Variants in PCNT observed in about 807,000 individuals in gnomAD.
PCNT encodes kendrin.
PCNT carries 319 observed loss-of-function variants against 380.4 expected under a neutral mutation model. The observed-to-expected ratio is 0.84, with a 90% CI of 0.77 to 0.92. PCNT has a LOEUF of 0.92. Ranked by LOEUF, PCNT falls within the 40% of genes least tolerant of loss-of-function variation. PCNT has a pLI of 0.00. For missense variants in PCNT, 4,400 were observed against 4,255.3 expected (o/e 1.03, Z -0.95); for synonymous variants, 1,845 against 1,735.2 (o/e 1.06, Z -1.57).
rs534451905 is a variant in PCNT at position 46,345,512 on chromosome 21, T to C, written c.640-616T>C. On this transcript the variant is annotated intron_variant, in intron 3 of 46. Transcript: ENST00000359568. The stretch of plus-strand genomic sequence containing the variant: ...GATTATAGGCGTGAGCCACCATGCC[T>C]GGCCTGTTTCTGGGACTTTGACTTT... 9.5e-4 allele frequency among the ~76,000 whole-genome samples: 145 copies of C among 152,330 alleles called. 1 individual carries two copies. Among genetic ancestry groups the C allele is most frequent in the South Asian group, 5.0e-3 (24 of 4,828 alleles).
At chr21:46,384,093 T>C (rs1457586728) in intron 16 of PCNT, among the ~76,000 whole-genome samples, 2 of 138,752 alleles carry the variant, frequency 1.4e-5, no homozygotes, top group South Asian at 5.2e-4. Context: ...CAGTGTTGTA[T>C]ATTCAGTGGC....
chr21:46,428,300 C>G, intron 34 of PCNT, 95 bp from the exon 35 acceptor site: 1 of 1,119,428 alleles, frequency 8.9e-7, no homozygotes, highest in South Asian at 1.3e-5. Flanking sequence ...GCAGGCTTGT[C>G]CCGGCGGAGC....
rs762259551 is a variant in PCNT at position 46,431,717 on chromosome 21, G to T, written c.8253G>T (p.Lys2751Asn). The T allele has an allele frequency of 2.5e-6, 4 of 1,612,256 alleles. No individual in the cohort carries two copies. The highest frequency in any genetic ancestry group is 3.3e-5 in the Admixed American group (2 of 59,932). Residue 2751 changes from lysine to asparagine, a missense_variant, in exon 38 of 47, where the codon AAG becomes AAT. Physicochemically the swap from Lys to Asn is moderately conservative, Grantham distance 94. Coordinates refer to ENST00000359568, the MANE Select transcript of PCNT (RefSeq NM_006031.6). Reference protein sequence around the residue: ...SELQKDLAAEKSRTLELSEAL... With the variant: ...SELQKDLAAENSRTLELSEAL... Reference sequence around the variant, plus strand: ...TCCAGAAGGACCTTGCGGCTGAGAAGAGCCGCACCCTGGAGCTGTCAGAGG... The same window carrying T: ...TCCAGAAGGACCTTGCGGCTGAGAATAGCCGCACCCTGGAGCTGTCAGAGG...
At chr21:46,327,089 C>T (rs1228049855) in intron 2 of PCNT, among the ~76,000 whole-genome samples, 1 of 150,586 alleles carries the variant, frequency 6.6e-6, no homozygotes, top group Non-Finnish European at 1.5e-5. Context: ...GAGATGGATT[C>T]TCGCTCTGTC....
Position 46,411,386 on chromosome 21 carries a change from G to A in PCNT, c.5313G>A (p.Leu1771=), listed in dbSNP as rs1237716159. 13 of 1,613,884 alleles carry A rather than the reference G, an allele frequency of 8.1e-6. No homozygotes were observed. Among genetic ancestry groups the A allele is most frequent in the East Asian group, 2.2e-5 (1 of 44,878 alleles). Residue 1771 remains leucine (L), a synonymous_variant, in exon 28 of 47, where the codon CTG becomes CTA. Transcript: ENST00000359568. ...TCAGCGACAGTCAGGCTGGCAGTCT[G>A]CAGAGCGAGCTGCTCTGCTCCCAGG... ...HEVSDSQAGS[L]QSELLCSQAG... is the part of the protein sequence containing the mutation.
intron 26 of PCNT, 39 bp downstream of exon 26, chr21:46,401,760 G>A: frequency 6.2e-7 from 1 of 1,609,570 alleles, no homozygotes; most frequent in Non-Finnish European, 8.5e-7. Flanking sequence ...CCAGCCCTGG[G>A]TCAGTGTCCA....
intron 2 of PCNT, among the ~76,000 whole-genome samples, chr21:46,329,260 A>G (rs1331708087): frequency 6.6e-6 from 1 of 152,222 alleles, no homozygotes. Context: ...TTCATCAGGT[A>G]GAGACTCTCT....
At chr21:46,431,197 G>A (rs907393156) in intron 37 of PCNT, 5 of 1,227,764 alleles carry the variant, frequency 4.1e-6, no homozygotes, top group Admixed American at 4.0e-5. Flanking sequence ...ATTTTCTGAA[G>A]AGGGGGCAGG....
chr21:46,371,395 C>T (rs2085123314), intron 15 of PCNT, among the ~76,000 whole-genome samples: 1 of 152,026 alleles, frequency 6.6e-6, no homozygotes, highest in African/African-American at 2.4e-5. Flanking sequence ...GTTTTGTCTC[C>T]CAGGCTGGTC....
At chr21:46,367,840 T>G (rs1013531484) in intron 15 of PCNT, among the ~76,000 whole-genome samples, 6 of 152,100 alleles carry the variant, frequency 3.9e-5, no homozygotes, top group Admixed American at 6.6e-5. Flanking sequence ...CCTCCTTTTA[T>G]TGATGTTTCC....
Position 46,344,652 on chromosome 21 carries a change from C to G in PCNT, c.640-1476C>G, listed in dbSNP as rs73373863. Among the ~76,000 whole-genome samples the G allele has an allele frequency of 4.8e-3, 728 of 152,366 alleles. 8 individuals are homozygous for G. Among genetic ancestry groups the G allele is most frequent in the African/African-American group, 0.016 (679 of 41,586 alleles). ...ACCTGGAGCCCAGAAAGGTGCCTGG[C>G]TGATGCAGGGGAAGCCAGAGAATGG... is the stretch of plus-strand genomic sequence containing the variant. On this transcript the variant is annotated intron_variant, in intron 3 of 46. Transcript: ENST00000359568.
At chr21:46,438,069 T>C (rs2053510273) in intron 40 of PCNT, 95 bp from the exon 41 acceptor site, 2 of 1,008,844 alleles carry the variant, frequency 2.0e-6, no homozygotes, top group Non-Finnish European at 1.5e-6. Flanking sequence ...GACACATTAA[T>C]TACAATCCCT....
chr21:46,365,616 C>G (rs1348003693), intron 14 of PCNT, among the ~76,000 whole-genome samples: 2 of 145,966 alleles, frequency 1.4e-5, no homozygotes, highest in South Asian at 2.2e-4. Flanking sequence ...TATTCACTGC[C>G]GTGGGGTTCT....
chr21:46,444,638 A>C, intron 45 of PCNT, 56 bp from the exon 46 acceptor site: 1 of 1,567,974 alleles, frequency 6.4e-7, no homozygotes, highest in Non-Finnish European at 8.6e-7. Flanking sequence ...CCGTCTGTCA[A>C]ACTCAACTCT....
intron 28 of PCNT, among the ~76,000 whole-genome samples, chr21:46,412,609 A>G (rs2086824606): frequency 6.6e-6 from 1 of 152,132 alleles, no homozygotes; most frequent in Non-Finnish European, 1.5e-5. Flanking sequence ...GCCCCAGTCC[A>G]CCTTGCTCTG....
intron 27 of PCNT, among the ~76,000 whole-genome samples, chr21:46,404,091 T>C (rs2086548215): frequency 9.4e-6 from 1 of 106,174 alleles, no homozygotes; most frequent in Non-Finnish European, 1.8e-5. Context: ...GTGTGTGTGG[T>C]GCCCACGCGG....
intron 15 of PCNT, among the ~76,000 whole-genome samples, chr21:46,372,927 G>A (rs942452864): frequency 2.8e-4 from 43 of 152,226 alleles, no homozygotes; most frequent in Admixed American, 1.4e-3. Context: ...AATTCTGTCC[G>A]TTTTATCTGT....
Position 46,401,683 on chromosome 21 carries a change from G to C in PCNT, c.4924G>C (p.Glu1642Gln). 1 of 1,614,066 alleles carries C rather than the reference G, an allele frequency of 6.2e-7. No individual in the cohort carries two copies. Among genetic ancestry groups the C allele is most frequent in the Admixed American group, 1.7e-5 (1 of 59,994 alleles). The change falls in exon 26 of 47, where the codon GAG becomes CAG. Residue 1642 changes from glutamate to glutamine, a missense_variant. Physicochemically the swap from Glu to Gln is conservative, Grantham distance 29 (BLOSUM62 2). Coordinates refer to ENST00000359568, the MANE Select transcript of PCNT (RefSeq NM_006031.6). ...TCCTGAGGGTCCAGAAATACAGTTA[G>C]AGGTGACACAGAGAGCACTCCTGCG... ...SPPEGPEIQL[E>Q]VTQRALLRRE...
At chr21:46,361,422 T>C (rs1289917734) in intron 13 of PCNT, among the ~76,000 whole-genome samples, 3 of 152,188 alleles carry the variant, frequency 2.0e-5, no homozygotes, top group African/African-American at 7.2e-5. Flanking sequence ...ATACACATTC[T>C]TAACCTTGTC....
Sources: gnomAD v4.1 joint callset for allele counts (sites outside exome capture counted in the v4.1 genomes callset) on GRCh38, gnomAD v4.1.1 for gene constraint, MANE v1.5 for transcripts, NCBI Gene and HGNC (gene_info 2026-07-23, HGNC 2026-07-21) for gene names.